CUBN: variants seen among roughly 807,000 people sequenced by gnomAD.
CUBN encodes cubilin.
A neutral mutation model predicts 405.3 loss-of-function variants in CUBN; 282 were observed. That is an observed-to-expected ratio of 0.70 (90% confidence interval 0.63 to 0.77). CUBN has a LOEUF of 0.77. CUBN is among the 30% of genes least tolerant of loss of function. The pLI is 0.00. For missense variants in CUBN, 4,514 were observed against 4,475.2 expected (o/e 1.01, Z -0.25); for synonymous variants, 1,684 against 1,617.0 (o/e 1.04, Z -0.99).
chr10:16,967,670 AAGAG>A (rs984582801), intron 31 of CUBN, among the ~76,000 whole-genome samples: 5 of 152,020 alleles, frequency 3.3e-5, no homozygotes, highest in African/African-American at 1.2e-4. Flanking sequence ...GGAGGGAAGA[AAGAG>A]AGAGTGAGAG....
chr10:16,838,235 T>C (rs1839233297), intron 62 of CUBN, among the ~76,000 whole-genome samples: 2 of 152,282 alleles, frequency 1.3e-5, no homozygotes, highest in South Asian at 4.1e-4. Context: ...TGGACTTTTC[T>C]TTCCCCAGCA....
At chr10:16,871,472 GA>G (rs907814519) in intron 58 of CUBN, among the ~76,000 whole-genome samples, 16 of 150,422 alleles carry the variant, frequency 1.1e-4, no homozygotes, top group African/African-American at 2.9e-4. Context: ...ACAGCCTTGA[GA>G]AAAAAAATTG....
At chr10:17,107,330 G>C (rs563770555) in intron 10 of CUBN, among the ~76,000 whole-genome samples, 4 of 152,192 alleles carry the variant, frequency 2.6e-5, no homozygotes, top group African/African-American at 9.6e-5. Flanking sequence ...ACTGCACAAT[G>C]GTTGAAATAA....
At chr10:16,943,690 C>T (rs11814549) in intron 36 of CUBN, among the ~76,000 whole-genome samples, 2,474 of 152,282 alleles carry the variant, frequency 0.016, 64 homozygotes, top group African/African-American at 0.056. Context: ...TCGGCATCAC[C>T]GGAGAGCTTG....
At chr10:16,918,920 AT>A in intron 44 of CUBN, 120 bp from the exon 45 acceptor site, 2 of 970,304 alleles carry the variant, frequency 2.1e-6, no homozygotes, top group Non-Finnish European at 3.2e-6. Flanking sequence ...ATAAAAAACT[AT>A]GATAGAATCA....
At chr10:17,041,285 T>C (rs567452382) in intron 26 of CUBN, 65 bp from the exon 27 acceptor site, 2 of 1,354,814 alleles carry the variant, frequency 1.5e-6, no homozygotes, top group Admixed American at 1.7e-5. Flanking sequence ...AAGATGAGAT[T>C]TTCCTTTAAA....
At chr10:16,931,772 G>C (rs955487877) in intron 40 of CUBN, among the ~76,000 whole-genome samples, 1 of 152,218 alleles carries the variant, frequency 6.6e-6, no homozygotes, top group African/African-American at 2.4e-5. Flanking sequence ...AGGAAAAAAG[G>C]ACTGCTCCCC....
In CUBN at chr10:16,937,628, C is replaced by T. The variant is rs201074959; in HGVS notation, c.5890G>A (p.Asp1964Asn). 59 of 1,613,874 alleles carry T rather than the reference C, an allele frequency of 3.7e-5. 1 individual carries two copies. The highest frequency in any genetic ancestry group is 3.4e-6 in the Non-Finnish European group (4 of 1,179,974). ...KGFLLEWFAV[D>N]APDGVLPTIA... is the part of the protein sequence containing the mutation. ...GTAGGTAAAACACCATCAGGTGCAT[C>T]CACTGCAAACCACTCCAGAAGGAAT... Residue 1964 changes from aspartate (D) to asparagine (N), a missense_variant, in exon 39 of 67, where the codon GAT becomes AAT. Asp to Asn is a conservative substitution (Grantham distance 23). This residue lies in a region of CUBN where 1,613 missense variants were observed against 1,542.8 expected (regional missense o/e 1.05). Coordinates refer to ENST00000377833, the MANE Select transcript of CUBN (RefSeq NM_001081.4).
chr10:17,006,387 C>G (rs562815472), intron 28 of CUBN, among the ~76,000 whole-genome samples: 10 of 152,278 alleles, frequency 6.6e-5, no homozygotes, highest in African/African-American at 2.4e-4. Flanking sequence ...CCCTCACACC[C>G]TAAGGCATTT....
intron 48 of CUBN, among the ~76,000 whole-genome samples, chr10:16,910,910 G>A (rs1245652250): frequency 6.6e-6 from 1 of 152,124 alleles, no homozygotes; most frequent in Non-Finnish European, 1.5e-5. Context: ...AAGAGGGTAT[G>A]CCTCACCAAA....
chr10:17,046,144 G>A (rs1369933384), intron 23 of CUBN, 50 bp from the exon 24 acceptor site: 8 of 1,509,992 alleles, frequency 5.3e-6, no homozygotes, highest in Non-Finnish European at 7.3e-6. Context: ...CAATATTACT[G>A]TATAAACATT....
intron 26 of CUBN, among the ~76,000 whole-genome samples, chr10:17,042,874 T>C (rs1389426017): frequency 6.6e-6 from 1 of 152,184 alleles, no homozygotes; most frequent in Non-Finnish European, 1.5e-5. Context: ...AATTCCACTT[T>C]CAGATAATTA....
At position 16,828,854 on chromosome 10, in the gene CUBN, TAG is replaced by T; in HGVS notation, c.10713_10714del (p.Tyr3572Ter). ...TGGAGAGCTGGCGTTGGGCCCATCATAGAGTGTGAGATAGTTCTGGACACAGT... is the reference window on the plus strand; with the variant it reads ...TGGAGAGCTGGCGTTGGGCCCATCATAGTGTGAGATAGTTCTGGACACAGT... On this transcript the variant is annotated frameshift_variant, in exon 66 of 67. Transcript: ENST00000377833. LOFTEE classifies it low-confidence loss of function (END_TRUNC). 1 of 1,614,186 alleles carries T rather than the reference TAG, an allele frequency of 6.2e-7. No homozygotes were observed. The highest frequency in any genetic ancestry group is 8.5e-7 in the Non-Finnish European group (1 of 1,180,018).
Position 17,060,778 on chromosome 10 carries a change from C to T in CUBN, c.3139+4730G>A, listed in dbSNP as rs1195658124. 3.9e-5 allele frequency among the ~76,000 whole-genome samples: 6 copies of T among 152,040 alleles called. No homozygotes were observed. The East Asian group carries it at 7.8e-4, about 20-fold the overall frequency. Reference sequence around the variant, plus strand: ...AAGTATTCCAAATTATGGCTGGGTGCGGTGGCTCATGCCTGTAATAACAGC... The same window carrying T: ...AAGTATTCCAAATTATGGCTGGGTGTGGTGGCTCATGCCTGTAATAACAGC... On this transcript the variant is annotated intron_variant, in intron 22 of 66. Coordinates refer to ENST00000377833, the MANE Select transcript of CUBN (RefSeq NM_001081.4).
At chr10:17,000,643 T>C (rs1254604220) in intron 28 of CUBN, among the ~76,000 whole-genome samples, 1 of 152,216 alleles carries the variant, frequency 6.6e-6, no homozygotes, top group Non-Finnish European at 1.5e-5. Context: ...TTTTTTGCAA[T>C]GAAAAGCTGT....
At chr10:16,827,194 G>A (rs1421656607) in intron 66 of CUBN, among the ~76,000 whole-genome samples, 2 of 151,914 alleles carry the variant, frequency 1.3e-5, no homozygotes, top group African/African-American at 4.8e-5. Context: ...CCACTTAGAG[G>A]GGCTTCATTA....
intron 17 of CUBN, among the ~76,000 whole-genome samples, chr10:17,075,683 C>T (rs951534648): frequency 3.3e-5 from 5 of 152,096 alleles, no homozygotes; most frequent in African/African-American, 1.2e-4. Context: ...CTGACACAGA[C>T]ATGAAAAATC....
chr10:16,902,541 C>A (rs1841426654), intron 51 of CUBN, among the ~76,000 whole-genome samples: 1 of 151,636 alleles, frequency 6.6e-6, no homozygotes, highest in African/African-American at 2.4e-5. Context: ...TTTACTGAAA[C>A]CTGACTCTTC....
At chr10:16,837,822 C>T (rs1379231636) in intron 62 of CUBN, among the ~76,000 whole-genome samples, 3 of 152,164 alleles carry the variant, frequency 2.0e-5, no homozygotes, top group Non-Finnish European at 4.4e-5. Context: ...TGTATTCATT[C>T]AGTGGAAAAC....
Sources: gnomAD v4.1 joint callset for allele counts (sites outside exome capture counted in the v4.1 genomes callset) on GRCh38, gnomAD v4.1.1 for gene constraint, gnomAD v4.1.1 regional missense constraint, MANE v1.5 for transcripts, NCBI Gene and HGNC (gene_info 2026-07-23, HGNC 2026-07-21) for gene names.